Variants in SLF2 observed in about 807,000 individuals in gnomAD.
SLF2 encodes SMC5-SMC6 complex localization factor protein 2.
In SLF2, 68 loss-of-function variants were observed where a neutral mutation model predicts 124.3. The ratio of observed to expected loss-of-function variants is 0.55; its 90% CI spans 0.45 to 0.67. The LOEUF is 0.67. Among genes scored for constraint, SLF2 ranks in the 30% least tolerant of loss-of-function variants. The probability of loss-of-function intolerance (pLI) is 0.00; values close to 1 mark genes in which losing one functional copy is unlikely to be tolerated. For missense variants in SLF2, 1,246 were observed against 1,373.7 expected, an observed-to-expected ratio of 0.91 and a Z score of 1.47; for synonymous variants, 480 against 478.8, an observed-to-expected ratio of 1.00 and a Z score of -0.03.
intron 15 of SLF2, among the ~76,000 whole-genome samples, chr10:100,948,307 A>G (rs1850143873): frequency 1.3e-5 from 2 of 152,144 alleles, no homozygotes; most frequent in Admixed American, 1.3e-4. Context: ...GTAAGAATAT[A>G]TCATGTATAT....
rs372155381 is a variant in SLF2 at position 100,923,004 on chromosome 10, G to A, written c.974-971G>A. On this transcript the variant is annotated intron_variant, in intron 4 of 19. Coordinates refer to ENST00000238961, the MANE Select transcript of SLF2 (RefSeq NM_018121.4). The stretch of plus-strand genomic sequence containing the variant: ...TTGGCCAGGCTGGTCTCAAACTCCT[G>A]ACCTCAAGTGATCTGCCCACTCCGG... Among the ~76,000 whole-genome samples, 171 of 152,118 alleles carry A rather than the reference G, an allele frequency of 1.1e-3. 4 individuals carry two copies. The South Asian group carries it at 0.035, about 31-fold the overall frequency.
In SLF2 at chr10:100,925,901, C is replaced by T. The variant is rs187081752; in HGVS notation, c.1972-48C>T. ...CTTAATTACTTAAAACATCCCAGTT[C>T]TTCTACTAAGACATGTGGTAAAGTA... On this transcript the variant is annotated intron_variant, in intron 5 of 19. Coordinates refer to ENST00000238961, the MANE Select transcript of SLF2 (RefSeq NM_018121.4). The T allele has an allele frequency of 2.0e-5, 30 of 1,506,990 alleles. 1 individual carries two copies. In the Admixed American group the frequency reaches 5.5e-4, roughly 27 times the overall value. 93.4% of individuals were successfully genotyped at this position (1,506,990 alleles called of 1,614,324 possible).
intron 10 of SLF2, among the ~76,000 whole-genome samples, chr10:100,938,022 C>G (rs1347229407): frequency 6.6e-6 from 1 of 152,212 alleles, no homozygotes; most frequent in African/African-American, 2.4e-5. Flanking sequence ...CCCTCACTTA[C>G]TGTTTACCAA....
rs35095867 is a variant in SLF2, at chr10:100,931,991, CAA to C, written c.2436+924_2436+925del. 2.6e-3 allele frequency among the ~76,000 whole-genome samples: 362 copies of C among 141,548 alleles called. 3 individuals carry two copies. Among genetic ancestry groups the C allele is most frequent in the African/African-American group, 9.2e-3 (342 of 36,994 alleles). 92.9% of individuals were successfully genotyped at this position (141,548 alleles called of 152,430 possible). A position where few individuals can be genotyped will look rare whatever the true frequency, so the allele number is the denominator to read the frequency against. The stretch of plus-strand genomic sequence containing the variant: ...TGGGGGACAGAGTGAGACTCTGTCT[CAA>C]AAAAAAAAAAGACATTTATATGGGA... On this transcript the variant is annotated intron_variant, in intron 9 of 19. Transcript: ENST00000238961.
chr10:100,915,901 A>G, intron 1 of SLF2, 98 bp from the exon 2 acceptor site: 2 of 972,598 alleles, frequency 2.1e-6, no homozygotes, highest in Non-Finnish European at 3.2e-6. Flanking sequence ...CAAATAGTGA[A>G]ATCCAGCCTT....
At chr10:100,935,379 T>C (rs1464744566) in intron 9 of SLF2, among the ~76,000 whole-genome samples, 2 of 118,454 alleles carry the variant, frequency 1.7e-5, no homozygotes, top group Admixed American at 1.6e-4. Context: ...TGGGTGACAG[T>C]GCGAGATTCT....
chr10:100,931,198 G>A, intron 9 of SLF2, 120 bp downstream of exon 9: 1 of 732,642 alleles, frequency 1.4e-6, no homozygotes, highest in South Asian at 1.8e-5. Context: ...CATCCATGAT[G>A]TCAGTGGCTT....
chr10:100,918,001 C>T (rs948064107), intron 3 of SLF2, among the ~76,000 whole-genome samples: 2 of 152,154 alleles, frequency 1.3e-5, no homozygotes, highest in Non-Finnish European at 2.9e-5. Flanking sequence ...GTGGGAGGCT[C>T]GCTTGAGCCC....
intron 11 of SLF2, among the ~76,000 whole-genome samples, chr10:100,941,051 G>T (rs1471231853): frequency 6.6e-6 from 1 of 151,668 alleles, no homozygotes; most frequent in East Asian, 1.9e-4. Flanking sequence ...TGTTGCCCAG[G>T]CTGGTCTCAA....
rs1405410238 is a variant in SLF2, at chr10:100,963,420, A to G, written c.*1508A>G. The G allele has an allele frequency of 6.6e-6, 1 of 152,620 alleles. No individual in the cohort carries two copies. Among genetic ancestry groups the G allele is most frequent in the East Asian group, 1.9e-4 (1 of 5,198 alleles). 9.5% of individuals were successfully genotyped at this position (152,620 alleles called of 1,614,324 possible). A position where few individuals can be genotyped will look rare whatever the true frequency, so the allele number is the denominator to read the frequency against. ...GATTGAGGCTCCAAGAGTCAGACCAACAAAAGTTTTATTCTGTGTTGTTTA... is the reference window on the plus strand; with the variant it reads ...GATTGAGGCTCCAAGAGTCAGACCAGCAAAAGTTTTATTCTGTGTTGTTTA... On this transcript the variant is annotated 3_prime_UTR_variant, in exon 20 of 20. Coordinates refer to ENST00000238961, the MANE Select transcript of SLF2 (RefSeq NM_018121.4).
chr10:100,933,480 C>A (rs994489314), intron 9 of SLF2, among the ~76,000 whole-genome samples: 16 of 152,092 alleles, frequency 1.1e-4, no homozygotes, highest in Non-Finnish European at 2.4e-4. Context: ...TGCTATACTC[C>A]TAACCAGTAT....
chr10:100,959,471 TAA>T lies in SLF2; in HGVS notation c.3462_3463del (p.Ile1155ProfsTer12). ...AGGATACATGGAAAATGGCAGGAAA[TAA>T]TCCAGAACTGTCGGCCTACTCAGGT... On this transcript the variant is annotated frameshift_variant, in exon 19 of 20. Transcript: ENST00000238961. LOFTEE classifies it high-confidence loss of function. 6.2e-7 allele frequency: 1 copy of T among 1,610,738 alleles called. No individual in the cohort carries two copies.
At chr10:100,917,919 CAAATAAAT>C (rs76103040) in intron 3 of SLF2, among the ~76,000 whole-genome samples, 1 of 151,586 alleles carries the variant, frequency 6.6e-6, no homozygotes, top group South Asian at 2.1e-4. Flanking sequence ...GGCTCTACTA[CAAATAAAT>C]AAATAAATAA....
rs897861056 is a variant in SLF2 at position 100,954,121 on chromosome 10, G to T, written c.3331-2330G>T. 2.6e-5 allele frequency among the ~76,000 whole-genome samples: 4 copies of T among 152,114 alleles called. No homozygotes were observed. In the South Asian group the frequency reaches 8.3e-4, roughly 32 times the overall value. On this transcript the variant is annotated intron_variant, in intron 17 of 19. Coordinates refer to ENST00000238961, the MANE Select transcript of SLF2 (RefSeq NM_018121.4). ...AAAAAAAAAAAATTAACCGGGCATG[G>T]TGATGCATGCCTGTAGTCCCAACTA...
chr10:100,959,316 AGTT>A (rs1313961425), intron 18 of SLF2, 109 bp from the exon 19 acceptor site: 3 of 836,466 alleles, frequency 3.6e-6, no homozygotes, highest in South Asian at 6.1e-5. Flanking sequence ...AATCAAATTG[AGTT>A]GTTGAGTGTG....
chr10:100,929,447 AT>A lies in SLF2; in HGVS notation c.2165+13del. On this transcript the variant is annotated intron_variant, in intron 7 of 19. Coordinates refer to ENST00000238961, the MANE Select transcript of SLF2 (RefSeq NM_018121.4). ...CCTCTTAGAAGAGCACAAGTATAGC[AT>A]TTTTCATAATGTATTTTACCTTATT... is the stretch of plus-strand genomic sequence containing the variant. The A allele has an allele frequency of 6.3e-7, 1 of 1,575,670 alleles. No individual in the cohort carries two copies. The highest frequency in any genetic ancestry group is 8.6e-7 in the Non-Finnish European group (1 of 1,166,008).
chr10:100,913,062 C>A lies in SLF2; in HGVS notation c.-49C>A, dbSNP rs757797929. ...CCAGCAGCAAGACGGCAACCACGCA[C>A]CCAACTTCTCCAGCCACGGCTCATG... On this transcript the variant is annotated 5_prime_UTR_variant, in exon 1 of 20. Transcript: ENST00000238961. The A allele has an allele frequency of 9.4e-6, 15 of 1,596,596 alleles. No homozygotes were observed. The highest frequency in any genetic ancestry group is 1.3e-5 in the Non-Finnish European group (15 of 1,171,850).
chr10:100,933,305 A>G (rs2133788638), intron 9 of SLF2, among the ~76,000 whole-genome samples: 1 of 152,332 alleles, frequency 6.6e-6, no homozygotes, highest in Admixed American at 6.5e-5. Flanking sequence ...GTTTTTTAAT[A>G]CATTTCATAT....
chr10:100,964,416 C>T lies in SLF2; in HGVS notation c.*2504C>T, dbSNP rs1695577823. 1 of 152,610 alleles carries T rather than the reference C, an allele frequency of 6.6e-6. No individual in the cohort carries two copies. Among genetic ancestry groups the T allele is most frequent in the Admixed American group, 6.5e-5 (1 of 15,286 alleles). The allele number at this position is 152,610 out of a possible 1,614,324, so 9.5% of individuals were successfully genotyped here. ...CTGTTTGCCTTTTCTAACTGCTTTTCTTGTTACTGAAAATATAATTCTACT... is the reference window on the plus strand; with the variant it reads ...CTGTTTGCCTTTTCTAACTGCTTTTTTTGTTACTGAAAATATAATTCTACT... On this transcript the variant is annotated 3_prime_UTR_variant, in exon 20 of 20. Transcript: ENST00000238961.
Sources: allele counts gnomAD v4.1 joint callset (sites outside exome capture counted in the v4.1 genomes callset), GRCh38; gene constraint gnomAD v4.1.1; transcripts MANE v1.5; gene names NCBI Gene and HGNC (gene_info 2026-07-23, HGNC 2026-07-21).